CPSF2: variants seen among roughly 807,000 people sequenced by gnomAD.
The protein encoded by CPSF2 is cleavage and polyadenylation specific factor 2.
CPSF2 carries 51 observed loss-of-function variants against 84.2 expected under a neutral mutation model. The ratio of observed to expected loss-of-function variants is 0.61; its 90% CI spans 0.48 to 0.77. CPSF2 has a LOEUF of 0.77. Ranked by LOEUF, CPSF2 falls within the 30% of genes least tolerant of loss-of-function variation. CPSF2 has a pLI of 0.00. For synonymous variants in CPSF2, 286 were observed against 311.9 expected, an observed-to-expected ratio of 0.92 and a Z score of 0.87; for missense variants, 641 against 929.4, an observed-to-expected ratio of 0.69 and a Z score of 4.03.
intron 6 of CPSF2, 107 bp downstream of exon 6, chr14:92,135,603 G>A: frequency 5.1e-6 from 6 of 1,171,132 alleles, no homozygotes; most frequent in Non-Finnish European, 7.2e-6. Flanking sequence ...GAAATTTAGA[G>A]CAACTTAAAA....
chr14:92,124,906 T>C (rs998133059), intron 1 of CPSF2, among the ~76,000 whole-genome samples: 2 of 152,180 alleles, frequency 1.3e-5, no homozygotes, highest in Admixed American at 1.3e-4. Flanking sequence ...GCACGCATTA[T>C]ATGTCTGTTG....
chr14:92,132,764 C>A (rs2068948838), intron 3 of CPSF2, among the ~76,000 whole-genome samples: 2 of 148,120 alleles, frequency 1.4e-5, no homozygotes, highest in Non-Finnish European at 3.0e-5. Context: ...AAGAGTGAAA[C>A]TCCGTCTCAA....
rs760681731 is a variant in CPSF2, at chr14:92,171,736, A to G, written c.*9992A>G. 4.6e-5 allele frequency: 7 copies of G among 152,046 alleles called. No individual in the cohort carries two copies. Among genetic ancestry groups the G allele is most frequent in the Non-Finnish European group, 1.0e-4 (7 of 68,026 alleles). The allele number at this position is 152,046 out of a possible 1,614,324, so 9.4% of individuals were successfully genotyped here. A position where few individuals can be genotyped will look rare whatever the true frequency, so the allele number is the denominator to read the frequency against. The stretch of plus-strand genomic sequence containing the variant: ...TATGCTTGTTACCTCATCCATCCAT[A>G]TATATATTAAAAACAAGTACACACT... On this transcript the variant is annotated 3_prime_UTR_variant, in exon 16 of 16. Transcript: ENST00000298875.
In CPSF2 at chr14:92,166,651, A is replaced by G. The variant is rs925108899; in HGVS notation, c.*4907A>G. The stretch of plus-strand genomic sequence containing the variant: ...ACAGGCATGAGTCACCATTCCTGGC[A>G]TTAATTTTTGTATATGGTGTGAGGT... On this transcript the variant is annotated 3_prime_UTR_variant, in exon 16 of 16. Coordinates refer to ENST00000298875, the MANE Select transcript of CPSF2 (RefSeq NM_017437.3). 1 of 152,010 alleles carries G rather than the reference A, an allele frequency of 6.6e-6. No homozygotes were observed. Among genetic ancestry groups the G allele is most frequent in the Non-Finnish European group, 1.5e-5 (1 of 67,974 alleles). The allele number at this position is 152,010 out of a possible 1,614,324, so 9.4% of individuals were successfully genotyped here.
At chr14:92,149,870 TG>T (rs1283094497) in intron 9 of CPSF2, among the ~76,000 whole-genome samples, 1 of 152,080 alleles carries the variant, frequency 6.6e-6, no homozygotes, top group Non-Finnish European at 1.5e-5. Flanking sequence ...TTAACCAGGA[TG>T]GTCTTGATCT....
intron 11 of CPSF2, 52 bp from the exon 12 acceptor site, chr14:92,156,427 A>G: frequency 6.7e-7 from 1 of 1,482,032 alleles, no homozygotes. Flanking sequence ...CATATATGTT[A>G]TGTAGTATTA....
rs751777898 is a variant in CPSF2, at chr14:92,158,966, C to A, written c.1822-17C>A. ...TTCTGTGGGTTTTATTTCTCTCCCCCTCCTTTGCATGTCTAGGTGAGGTTA... is the reference window on the plus strand; with the variant it reads ...TTCTGTGGGTTTTATTTCTCTCCCCATCCTTTGCATGTCTAGGTGAGGTTA... On this transcript the variant is annotated splice_polypyrimidine_tract_variant and intron_variant, in intron 13 of 15. Coordinates refer to ENST00000298875, the MANE Select transcript of CPSF2 (RefSeq NM_017437.3). 1.3e-6 allele frequency: 2 copies of A among 1,580,552 alleles called. No individual in the cohort carries two copies. Among genetic ancestry groups the A allele is most frequent in the Non-Finnish European group, 1.7e-6 (2 of 1,162,968 alleles).
At position 92,157,986 on chromosome 14, in the gene CPSF2, A is replaced by G. The variant is rs1163519109; in HGVS notation, c.1821+102A>G. On this transcript the variant is annotated intron_variant, in intron 13 of 15. Transcript: ENST00000298875. This position sits in a 1 kb window ranked among gnomAD's most constrained non-coding sequence, Gnocchi z 4.0. ...ACCGAGATGTGTGAGACAGACATGG[A>G]TGGTCTCCTGCCCTAGCAGACCTCA... The G allele has an allele frequency of 8.9e-6, 7 of 790,948 alleles. No homozygotes were observed. The highest frequency in any genetic ancestry group is 1.5e-5 in the Non-Finnish European group (7 of 467,128). 49.0% of individuals were successfully genotyped at this position (790,948 alleles called of 1,614,324 possible).
At chr14:92,160,681 G>C (rs1231300020) in intron 14 of CPSF2, among the ~76,000 whole-genome samples, 2 of 152,216 alleles carry the variant, frequency 1.3e-5, no homozygotes, top group African/African-American at 4.8e-5. Flanking sequence ...CATTACATTT[G>C]CTCTGAGGAA....
chr14:92,123,837 T>C (rs1404444556), intron 1 of CPSF2, among the ~76,000 whole-genome samples: 1 of 152,246 alleles, frequency 6.6e-6, no homozygotes, highest in Non-Finnish European at 1.5e-5. Flanking sequence ...TTATGCTGCC[T>C]TGACCACTGA....
chr14:92,165,440 A>G lies in CPSF2; in HGVS notation c.*3696A>G, dbSNP rs986971220. 4 of 152,092 alleles carry G rather than the reference A, an allele frequency of 2.6e-5. No homozygotes were observed. Among genetic ancestry groups the G allele is most frequent in the African/African-American group, 9.7e-5 (4 of 41,438 alleles). The allele number at this position is 152,092 out of a possible 1,614,324, so 9.4% of individuals were successfully genotyped here. ...TTTCTCCTCATTCTTGACAACATTT[A>G]TTACTCCCTTTTTAAATTTTAGTCA... is the stretch of plus-strand genomic sequence containing the variant. On this transcript the variant is annotated 3_prime_UTR_variant, in exon 16 of 16. Transcript: ENST00000298875.
intron 1 of CPSF2, chr14:92,122,413 C>G (rs993271097): frequency 6.3e-6 from 1 of 158,920 alleles, no homozygotes; most frequent in East Asian, 1.9e-4. Context: ...CCCCTTTCAT[C>G]TCTTGGCGCT....
chr14:92,156,607 C>G lies in CPSF2; in HGVS notation c.1571C>G (p.Ser524Cys). ...TCTGATGTTCCTACTAAATGTATTT[C>G]TACAACAGAGTCTATTGAAATAAAG... ...DLSDVPTKCI[S>C]TTESIEIKAR... Residue 524 changes from serine (S) to cysteine (C), a missense_variant, in exon 12 of 16, where the codon TCT (serine) becomes TGT (cysteine). Ser to Cys is a moderately radical substitution (Grantham distance 112). This residue lies in a region of CPSF2 where 430 missense variants were observed against 553.6 expected (regional missense o/e 0.78). Coordinates refer to ENST00000298875, the MANE Select transcript of CPSF2 (RefSeq NM_017437.3). The G allele has an allele frequency of 6.3e-7, 1 of 1,599,058 alleles. No homozygotes were observed. Among genetic ancestry groups the G allele is most frequent in the Non-Finnish European group, 8.5e-7 (1 of 1,170,468 alleles).
In CPSF2 at chr14:92,157,581, A is replaced by G. The variant is rs540691529; in HGVS notation, c.1596-78A>G. 1.1e-5 allele frequency: 9 copies of G among 834,650 alleles called. No individual in the cohort carries two copies. In the African/African-American group the frequency reaches 1.2e-4, roughly 11 times the overall value. 51.7% of individuals were successfully genotyped at this position (834,650 alleles called of 1,614,324 possible). On this transcript the variant is annotated intron_variant, in intron 12 of 15. Transcript: ENST00000298875. The surrounding 1 kb of genome is among the most constrained non-coding windows in gnomAD (Gnocchi z 4.0). ...TGTATTTCTCAAATCCTAGTGTTATATATTGTATACATGATAAAAGCCATT... is the reference window on the plus strand; with the variant it reads ...TGTATTTCTCAAATCCTAGTGTTATGTATTGTATACATGATAAAAGCCATT...
In CPSF2 at chr14:92,161,207, A is replaced by T. The variant is rs747295790; in HGVS notation, c.2217A>T (p.Gly739=). ...LREGIQAEFV[G]GVLVCNNQVA... is the part of the protein sequence containing the mutation. ...AGGGGATTCAAGCTGAATTTGTAGG[A>T]GGTGTACTTGTTTGCAACAATCAAG... is the stretch of plus-strand genomic sequence containing the variant. The change falls in exon 15 of 16, where the codon GGA becomes GGT. Residue 739 remains glycine, a synonymous_variant. Transcript: ENST00000298875. 1.2e-6 allele frequency: 2 copies of T among 1,613,228 alleles called. No homozygotes were observed. Among genetic ancestry groups the T allele is most frequent in the East Asian group, 4.5e-5 (2 of 44,810 alleles).
intron 13 of CPSF2, 45 bp from the exon 14 acceptor site, chr14:92,158,938 G>T: frequency 6.8e-7 from 1 of 1,468,542 alleles, no homozygotes; most frequent in South Asian, 1.3e-5. Context: ...TTGTTAATAT[G>T]TATTCTGTGG....
At chr14:92,150,141 T>C (rs2069194386) in intron 9 of CPSF2, among the ~76,000 whole-genome samples, 2 of 151,734 alleles carry the variant, frequency 1.3e-5, no homozygotes, top group African/African-American at 4.8e-5. Context: ...TTTTTTCTTG[T>C]GTTTGAGACG....
At chr14:92,153,986 G>T in intron 9 of CPSF2, 1 of 156,852 alleles carries the variant, frequency 6.4e-6, no homozygotes, top group Non-Finnish European at 1.4e-5. Flanking sequence ...GAGCCACCGT[G>T]CCCAGCCTCC....
chr14:92,165,595 C>T lies in CPSF2; in HGVS notation c.*3851C>T, dbSNP rs1366327843. The stretch of plus-strand genomic sequence containing the variant: ...TTTTGGAGTAATATCTGTTCATATC[C>T]TTTGTCCATTTTCAATTTGTTTATG... On this transcript the variant is annotated 3_prime_UTR_variant, in exon 16 of 16. Coordinates refer to ENST00000298875, the MANE Select transcript of CPSF2 (RefSeq NM_017437.3). The T allele has an allele frequency of 6.6e-6, 1 of 151,900 alleles. No homozygotes were observed. The highest frequency in any genetic ancestry group is 2.4e-5 in the African/African-American group (1 of 41,348). 9.4% of individuals were successfully genotyped at this position (151,900 alleles called of 1,614,324 possible).
Sources: allele counts gnomAD v4.1 joint callset (sites outside exome capture counted in the v4.1 genomes callset), GRCh38; gene constraint gnomAD v4.1.1; regional missense constraint gnomAD v4.1.1; non-coding constraint Gnocchi (gnomAD v3.1); transcripts MANE v1.5; gene names NCBI Gene and HGNC (gene_info 2026-07-23, HGNC 2026-07-21).